VAT1L: variants seen among roughly 807,000 people sequenced by gnomAD.
VAT1L encodes the protein vesicle amine transport 1 like.
VAT1L carries 34 observed loss-of-function variants against 44.1 expected under a neutral mutation model. The ratio of observed to expected loss-of-function variants is 0.77; its 90% CI spans 0.59 to 1.03. VAT1L has a LOEUF of 1.03. Among genes scored for constraint, VAT1L ranks in the 50% least tolerant of loss-of-function variants. VAT1L has a pLI of 0.00. For missense variants in VAT1L, 615 were observed against 538.8 expected, an observed-to-expected ratio of 1.14 and a Z score of -1.40; for synonymous variants, 253 against 202.2, an observed-to-expected ratio of 1.25 and a Z score of -2.13.
chr16:77,873,538 A>G (rs990071452), intron 4 of VAT1L, among the ~76,000 whole-genome samples: 2 of 152,232 alleles, frequency 1.3e-5, no homozygotes, highest in African/African-American at 2.4e-5. Context: ...AAGCAACACT[A>G]TATCCAACAG....
At chr16:77,858,375 A>T (rs763269099) in intron 3 of VAT1L, among the ~76,000 whole-genome samples, 3 of 152,248 alleles carry the variant, frequency 2.0e-5, no homozygotes, top group Non-Finnish European at 4.4e-5. Flanking sequence ...TAGCATAGTC[A>T]CGCAGGATCT....
chr16:77,977,458 A>G (rs1409648249), intron 8 of VAT1L, 139 bp from the exon 9 acceptor site: 1 of 757,496 alleles, frequency 1.3e-6, no homozygotes, highest in Non-Finnish European at 2.2e-6. Context: ...ATGACAGCTA[A>G]TCCTGCATTG....
rs149679619 is a variant in VAT1L, at chr16:77,829,838, T to C, written c.579+4377T>C. 9.3e-4 allele frequency among the ~76,000 whole-genome samples: 141 copies of C among 152,316 alleles called. 4 individuals carry two copies. In the East Asian group the frequency reaches 0.025, roughly 27 times the overall value. On this transcript the variant is annotated intron_variant, in intron 3 of 8. Coordinates refer to ENST00000302536, the MANE Select transcript of VAT1L (RefSeq NM_020927.3). ...AGGTTATTTGCATTTGTGTCTGATATCTGATGCTTTGCAGTTTTCAGAGTC... is the reference window on the plus strand; with the variant it reads ...AGGTTATTTGCATTTGTGTCTGATACCTGATGCTTTGCAGTTTTCAGAGTC...
chr16:77,888,704 G>A (rs1476506901), intron 7 of VAT1L, among the ~76,000 whole-genome samples: 2 of 152,208 alleles, frequency 1.3e-5, no homozygotes, highest in South Asian at 2.1e-4. Context: ...TACCGCCAGC[G>A]GTGGCAATAG....
chr16:77,838,710 T>C (rs1166354282), intron 3 of VAT1L, among the ~76,000 whole-genome samples: 1 of 152,002 alleles, frequency 6.6e-6, no homozygotes, highest in Non-Finnish European at 1.5e-5. Context: ...TCCATCTCTC[T>C]TTCCTTTTTT....
rs12445409 is a variant in VAT1L at position 77,926,119 on chromosome 16, G to A, written c.1077+41317G>A. 9.4e-5 allele frequency among the ~76,000 whole-genome samples: 14 copies of A among 149,728 alleles called. No individual in the cohort carries two copies. The Admixed American group carries it at 1.1e-3, about 11-fold the overall frequency. On this transcript the variant is annotated intron_variant, in intron 7 of 8. Coordinates refer to ENST00000302536, the MANE Select transcript of VAT1L (RefSeq NM_020927.3). ...CTACTAAAAATTAGCCAGGCATGGT[G>A]GCGGGCGCCTGTAGTCCCAGCTACT...
intron 7 of VAT1L, chr16:77,892,597 G>C: frequency 1.5e-6 from 1 of 657,218 alleles, no homozygotes; most frequent in Admixed American, 1.8e-5. Flanking sequence ...TTATTCCAGG[G>C]TTTATGTGTC....
At chr16:77,948,462 T>G (rs1054719306) in intron 7 of VAT1L, among the ~76,000 whole-genome samples, 2 of 152,140 alleles carry the variant, frequency 1.3e-5, no homozygotes, top group African/African-American at 2.4e-5. Flanking sequence ...AGTTGAGCAT[T>G]TGAGTGCTGG....
At chr16:77,970,728 A>G (rs2018270085) in intron 7 of VAT1L, among the ~76,000 whole-genome samples, 1 of 152,220 alleles carries the variant, frequency 6.6e-6, no homozygotes, top group Non-Finnish European at 1.5e-5. Flanking sequence ...TCTTTAGGAT[A>G]AAGTTCCAGA....
chr16:77,944,485 G>T (rs548151662), intron 7 of VAT1L, among the ~76,000 whole-genome samples: 1 of 152,052 alleles, frequency 6.6e-6, no homozygotes, highest in Non-Finnish European at 1.5e-5. Context: ...TTAAATCCTC[G>T]CTCTTCCACT....
intron 7 of VAT1L, among the ~76,000 whole-genome samples, chr16:77,923,265 A>G (rs368378636): frequency 3.9e-5 from 6 of 152,226 alleles, no homozygotes; most frequent in Admixed American, 3.9e-4. Context: ...CCTGGTTAAC[A>G]TGGTGAAACC....
At chr16:77,800,343 T>C (rs2016023506) in intron 1 of VAT1L, 1 of 152,188 alleles carries the variant, frequency 6.6e-6, no homozygotes, top group South Asian at 2.1e-4. Context: ...ATGACTGTTA[T>C]TTCATGAGCA....
intron 2 of VAT1L, among the ~76,000 whole-genome samples, chr16:77,822,169 T>C (rs943238210): frequency 1.3e-5 from 2 of 152,112 alleles, no homozygotes; most frequent in African/African-American, 4.8e-5. Context: ...AGTTTCGCTC[T>C]TGTTGCCCAG....
At chr16:77,855,791 G>A (rs12447279) in intron 3 of VAT1L, among the ~76,000 whole-genome samples, 3 of 151,988 alleles carry the variant, frequency 2.0e-5, no homozygotes, top group Admixed American at 6.6e-5. Context: ...AAGCCAAGGC[G>A]GGCGGATCAC....
intron 7 of VAT1L, among the ~76,000 whole-genome samples, chr16:77,919,085 C>G (rs1201571815): frequency 1.3e-5 from 2 of 152,196 alleles, no homozygotes; most frequent in East Asian, 3.9e-4. Context: ...TCCAACTAGG[C>G]ACTAATGAAA....
intron 8 of VAT1L, among the ~76,000 whole-genome samples, chr16:77,976,125 G>A (rs2018337564): frequency 6.6e-6 from 1 of 152,184 alleles, no homozygotes; most frequent in Non-Finnish European, 1.5e-5. Context: ...TAAAACACTT[G>A]TTGCATATGT....
At chr16:77,808,616 T>A (rs530097530) in intron 1 of VAT1L, among the ~76,000 whole-genome samples, 117 of 152,122 alleles carry the variant, frequency 7.7e-4, no homozygotes, top group African/African-American at 2.7e-3. Flanking sequence ...TTTTTTTGAA[T>A]CAGAGTTTCA....
intron 3 of VAT1L, among the ~76,000 whole-genome samples, chr16:77,861,414 T>A (rs1270097234): frequency 6.6e-6 from 1 of 152,152 alleles, no homozygotes; most frequent in African/African-American, 2.4e-5. Context: ...TATGGAAAAA[T>A]AAACCTGCTC....
At chr16:77,817,664 A>T (rs1481172534) in intron 2 of VAT1L, among the ~76,000 whole-genome samples, 1 of 152,226 alleles carries the variant, frequency 6.6e-6, no homozygotes, top group Non-Finnish European at 1.5e-5. Flanking sequence ...CATTATGCTG[A>T]CTACTTCTGT....
Sources: allele counts gnomAD v4.1 joint callset (sites outside exome capture counted in the v4.1 genomes callset), GRCh38; gene constraint gnomAD v4.1.1; transcripts MANE v1.5; gene names NCBI Gene and HGNC (gene_info 2026-07-23, HGNC 2026-07-21).